The following NBPF20 variants were observed in gnomAD, a reference collection of about 807,000 sequenced individuals.
The protein encoded by NBPF20 is NBPF family member NBPF20.
Under a neutral mutation model 68.1 loss-of-function variants are expected in NBPF20, and 90 were observed. The ratio of observed to expected loss-of-function variants is 1.32; its 90% CI spans 1.11 to 1.58. The LOEUF is 1.58. Ranked by LOEUF, NBPF20 falls within the 40% of genes most tolerant of loss-of-function variation. The pLI is 0.00. For missense variants in NBPF20, 816 were observed against 601.2 expected (o/e 1.36, Z -3.74); for synonymous variants, 290 against 228.1 (o/e 1.27, Z -2.45).
chr1:145,400,643 A>T, intron 5 of NBPF20, 49 bp from the exon 11 acceptor site: 1 of 1,579,856 alleles, frequency 6.3e-7, no homozygotes, highest in Non-Finnish European at 8.7e-7. Flanking sequence ...ACACAGAGGG[A>T]TTGGACCCCA....
exon 3 of NBPF20, chr1:145,403,282 A>G: frequency 6.2e-7 from 1 of 1,611,546 alleles, no homozygotes; most frequent in Non-Finnish European, 8.5e-7. Flanking sequence ...CTCATTCCTC[A>G]GCATAGATTT....
At chr1:145,398,669 T>G (rs1243173781) in intron 7 of NBPF20, among the ~76,000 whole-genome samples, 9 of 151,798 alleles carry the variant, frequency 5.9e-5, no homozygotes, top group East Asian at 3.9e-4. Flanking sequence ...TTAAAATAAC[T>G]AGAGAAGCAA....
the NBPF20 span, among the ~76,000 whole-genome samples, chr1:145,417,608 AAAC>A: frequency 1.6e-4 from 24 of 147,380 alleles, no homozygotes; most frequent in African/African-American, 6.0e-4. Context: ...TCTGAGAACT[AAAC>A]AACACAAAGC....
chr1:145,410,800 ATATG>A, the NBPF20 span, among the ~76,000 whole-genome samples: 1 of 80,202 alleles, frequency 1.2e-5, no homozygotes, highest in African/African-American at 4.9e-5. Flanking sequence ...ATATATACGT[ATATG>A]TATATATATA....
chr1:145,403,181 C>T lies in NBPF20; in HGVS notation c.278+35G>A, dbSNP rs1553665892. ...TGCTGTATTTCAGAGATTTACACAC[C>T]TGCCCCCCTGCCTGCCACCATGGGG... On this transcript the variant is annotated intron_variant, in intron 3 of 137. Coordinates refer to ENST00000369373, the Ensembl canonical transcript of NBPF20. 9 of 1,611,690 alleles carry T rather than the reference C, an allele frequency of 5.6e-6. No individual in the cohort carries two copies. In the South Asian group the frequency reaches 9.9e-5, roughly 18 times the overall value.
intron 79 of NBPF20, among the ~76,000 whole-genome samples, chr1:145,338,067 C>G (rs1421825667): frequency 5.8e-5 from 4 of 69,216 alleles, no homozygotes; most frequent in African/African-American, 1.8e-4. Flanking sequence ...AGAGAGAGAA[C>G]GAGCTCAGTG....
upstream of NBPF20, among the ~76,000 whole-genome samples, chr1:145,408,696 T>C (rs1266083014): frequency 1.3e-5 from 2 of 151,994 alleles, no homozygotes; most frequent in African/African-American, 4.8e-5. Context: ...TGATGTAATA[T>C]GCTAACAAAA....
intron 6 of NBPF20, among the ~76,000 whole-genome samples, chr1:145,400,143 G>A (rs1662449264): frequency 6.6e-6 from 1 of 152,194 alleles, no homozygotes; most frequent in Non-Finnish European, 1.5e-5. Context: ...GATACTGCCT[G>A]TGCACCTCCT....
At chr1:145,414,466 C>CTTGAG in the NBPF20 span, among the ~76,000 whole-genome samples, 1 of 141,616 alleles carries the variant, frequency 7.1e-6, no homozygotes, top group African/African-American at 2.6e-5. Context: ...CTGTAGTGAA[C>CTTGAG]CTGGAAAAAT....
intron 7 of NBPF20, among the ~76,000 whole-genome samples, chr1:145,396,837 T>C (rs1327131699): frequency 6.9e-6 from 1 of 144,850 alleles, no homozygotes; most frequent in Non-Finnish European, 1.5e-5. Flanking sequence ...GTTACATATG[T>C]ATACATGTCC....
exon 138 of NBPF20, chr1:145,291,561 G>A (rs782351573): frequency 3.1e-6 from 5 of 1,612,016 alleles, no homozygotes; most frequent in South Asian, 1.1e-5. Flanking sequence ...TGGAACACCA[G>A]GTGGAGACTT....
At chr1:145,292,708 G>C (rs1319051071) in intron 136 of NBPF20, among the ~76,000 whole-genome samples, 1 of 142,932 alleles carries the variant, frequency 7.0e-6, no homozygotes, top group East Asian at 2.0e-4. Flanking sequence ...CTAGTAGATC[G>C]TTATCCCAAT....
chr1:145,403,876 C>A (rs1430196263), intron 2 of NBPF20, among the ~76,000 whole-genome samples: 1 of 151,460 alleles, frequency 6.6e-6, no homozygotes, highest in African/African-American at 2.4e-5. Flanking sequence ...GGAAATATGC[C>A]CAAATGTTAA....
chr1:145,398,770 A>G (rs1344601777), intron 7 of NBPF20, among the ~76,000 whole-genome samples: 4 of 151,862 alleles, frequency 2.6e-5, no homozygotes, highest in Non-Finnish European at 5.9e-5. Flanking sequence ...ACCCTTCAAA[A>G]GATCAATGAA....
upstream of NBPF20, chr1:145,407,938 G>T (rs1428506196): frequency 6.1e-6 from 1 of 162,832 alleles, no homozygotes; most frequent in African/African-American, 2.4e-5. Context: ...GTCATGAATG[G>T]GCTGACACTG....
the NBPF20 span, among the ~76,000 whole-genome samples, chr1:145,422,535 C>A: frequency 2.7e-5 from 4 of 149,186 alleles, no homozygotes; most frequent in Non-Finnish European, 5.9e-5. Context: ...CTATATTGCC[C>A]AGGTTGGTCC....
chr1:145,421,106 GA>G, the NBPF20 span, among the ~76,000 whole-genome samples: 49 of 141,324 alleles, frequency 3.5e-4, no homozygotes, highest in African/African-American at 1.0e-3. Flanking sequence ...CAGCCTGGGG[GA>G]AAAAAAAATA....
Position 145,296,098 on chromosome 1 carries a change from T to C in NBPF20, c.16138+240A>G. Reference sequence around the variant, plus strand: ...TCACATCTGCCCAGGTCCAACATCATGAGAGTAGGATTAGGGCGCCACAGG... The same window carrying C: ...TCACATCTGCCCAGGTCCAACATCACGAGAGTAGGATTAGGGCGCCACAGG... On this transcript the variant is annotated intron_variant, in intron 132 of 137. Transcript: ENST00000369373. 2 of 131,590 alleles carry C rather than the reference T, an allele frequency of 1.5e-5. 1 individual carries two copies. The highest frequency in any genetic ancestry group is 1.3e-4 in the South Asian group (2 of 15,934). The allele number at this position is 131,590 out of a possible 1,614,324, so 8.2% of individuals were successfully genotyped here.
At chr1:145,403,573 T>C (rs74355374) in intron 2 of NBPF20, among the ~76,000 whole-genome samples, 3 of 152,308 alleles carry the variant, frequency 2.0e-5, no homozygotes, top group South Asian at 2.1e-4. Flanking sequence ...CACAACGAAG[T>C]GGAGTCAGAA....
Sources: gnomAD v4.1 joint callset for allele counts (sites outside exome capture counted in the v4.1 genomes callset) on GRCh38, gnomAD v4.1.1 for gene constraint, MANE v1.5 for transcripts, NCBI Gene and HGNC (gene_info 2026-07-23, HGNC 2026-07-21) for gene names.